Variants in ZDHHC11B observed in about 807,000 individuals in gnomAD.
ZDHHC11B encodes the protein probable palmitoyltransferase ZDHHC11B.
ZDHHC11B carries 17 observed loss-of-function variants against 42.3 expected under a neutral mutation model. The observed-to-expected ratio is 0.40, with a 90% confidence interval of 0.27 to 0.60. The LOEUF is 0.60. Among genes scored for constraint, ZDHHC11B ranks in the 20% least tolerant of loss-of-function variants. The probability of loss-of-function intolerance (pLI) is 0.41; values close to 1 mark genes in which losing one functional copy is unlikely to be tolerated. For synonymous variants in ZDHHC11B, 123 were observed against 193.5 expected, an observed-to-expected ratio of 0.64 and a Z score of 3.02; for missense variants, 262 against 463.2, an observed-to-expected ratio of 0.57 and a Z score of 3.99.
chr5:775,626 C>T (rs1354599502), intron 1 of ZDHHC11B, among the ~76,000 whole-genome samples: 16 of 151,468 alleles, frequency 1.1e-4, no homozygotes, highest in African/African-American at 3.9e-4. Context: ...ACTCCCTGTT[C>T]AGGGATGACA....
In ZDHHC11B at chr5:767,260, G is replaced by A. The variant is rs574377896; in HGVS notation, c.-1+132C>T. ...GGTGGATGACTGAAAGCAACGGGAA[G>A]ACCTGAGCTGCCATCTGGACGGCTG... On this transcript the variant is annotated intron_variant, in intron 3 of 13. Coordinates refer to ENST00000508859, the MANE Select transcript of ZDHHC11B (RefSeq NM_001351303.2). 4.9e-5 allele frequency: 54 copies of A among 1,106,146 alleles called. No individual in the cohort carries two copies. In the African/African-American group the frequency reaches 7.9e-4, roughly 16 times the overall value. The allele number at this position is 1,106,146 out of a possible 1,614,324, so 68.5% of individuals were successfully genotyped here.
At chr5:780,593 C>G (rs1341344977) in intron 1 of ZDHHC11B, among the ~76,000 whole-genome samples, 1 of 135,564 alleles carries the variant, frequency 7.4e-6, no homozygotes. Flanking sequence ...GGTAAGACCC[C>G]ATCCCACTCC....
At chr5:745,019 A>G (rs1174938854) in intron 9 of ZDHHC11B, among the ~76,000 whole-genome samples, 164 bp downstream of exon 9, 2 of 146,666 alleles carry the variant, frequency 1.4e-5, no homozygotes, top group African/African-American at 2.5e-5. Flanking sequence ...AAAGACACAT[A>G]GACACACCCA....
chr5:775,479 G>A (rs1736399929), intron 1 of ZDHHC11B, among the ~76,000 whole-genome samples: 1 of 152,002 alleles, frequency 6.6e-6, no homozygotes. Context: ...CCGAAGGCAA[G>A]CATTCCTTGG....
At chr5:760,290 C>T (rs1734429550) in intron 4 of ZDHHC11B, among the ~76,000 whole-genome samples, 2 of 151,950 alleles carry the variant, frequency 1.3e-5, no homozygotes, top group African/African-American at 2.4e-5. Flanking sequence ...AGGGTCTTTG[C>T]AGATAATCCT....
At chr5:745,387 C>G (rs1744668182) in intron 8 of ZDHHC11B, 89 bp from the exon 9 acceptor site, 1 of 1,199,720 alleles carries the variant, frequency 8.3e-7, no homozygotes, top group East Asian at 2.5e-5. Flanking sequence ...GTGGCCAGTG[C>G]CACTGATCCG....
chr5:726,159 C>T (rs1462444931), intron 12 of ZDHHC11B, among the ~76,000 whole-genome samples: 1 of 151,332 alleles, frequency 6.6e-6, no homozygotes, highest in African/African-American at 2.4e-5. Context: ...ACACATTTCC[C>T]ACAAAACAGA....
intron 1 of ZDHHC11B, among the ~76,000 whole-genome samples, chr5:776,584 G>C (rs775160030): frequency 2.0e-5 from 3 of 151,796 alleles, no homozygotes; most frequent in Admixed American, 1.3e-4. Context: ...CTCTCAGCTC[G>C]AGACCCTCGC....
chr5:769,720 G>T (rs1449230162), intron 1 of ZDHHC11B, among the ~76,000 whole-genome samples: 4 of 151,988 alleles, frequency 2.6e-5, no homozygotes, highest in Non-Finnish European at 5.9e-5. Context: ...CCTAGTGCGC[G>T]CCATCCTTCA....
rs560981053 is a variant in ZDHHC11B at position 766,692 on chromosome 5, G to A, written c.222+6C>T. ...CGCTTAGACCATGCCACGATGAAAA[G>A]GATACCACATAGGCGATGTATTTCC... On this transcript the variant is annotated splice_donor_region_variant and intron_variant, in intron 4 of 13. Transcript: ENST00000508859. 1.6e-5 allele frequency: 26 copies of A among 1,604,100 alleles called. 1 individual carries two copies. The East Asian group carries it at 4.7e-4, about 29-fold the overall frequency.
intron 1 of ZDHHC11B, among the ~76,000 whole-genome samples, chr5:773,917 C>T (rs1736255704): frequency 6.6e-6 from 1 of 151,906 alleles, no homozygotes; most frequent in African/African-American, 2.4e-5. Context: ...GTCCAACTGG[C>T]ATCTTCAAAA....
In ZDHHC11B at chr5:726,078, A is replaced by G. The variant is rs1363209813; in HGVS notation, c.1058+4356T>C. 2.5e-5 allele frequency among the ~76,000 whole-genome samples: 3 copies of G among 121,724 alleles called. No individual in the cohort carries two copies. In the East Asian group the frequency reaches 8.2e-4, roughly 33 times the overall value. 79.9% of individuals were successfully genotyped at this position (121,724 alleles called of 152,430 possible). A position where few individuals can be genotyped will look rare whatever the true frequency, so the allele number is the denominator to read the frequency against. Reference sequence around the variant, plus strand: ...CCACCCATTCCCTTCGACATCCCACAGCAAAACGCAGACCAGAATATCCCC... The same window carrying G: ...CCACCCATTCCCTTCGACATCCCACGGCAAAACGCAGACCAGAATATCCCC... On this transcript the variant is annotated intron_variant, in intron 12 of 13. Transcript: ENST00000508859.
At chr5:732,148 G>A (rs1743065161) in intron 11 of ZDHHC11B, 3 of 157,078 alleles carry the variant, frequency 1.9e-5, no homozygotes, top group Admixed American at 6.4e-5. Flanking sequence ...GCTGTGCCAC[G>A]GACTTGGGTG....
intron 1 of ZDHHC11B, among the ~76,000 whole-genome samples, chr5:770,749 C>G (rs562650636): frequency 6.6e-6 from 1 of 152,134 alleles, no homozygotes; most frequent in South Asian, 2.1e-4. Flanking sequence ...TGGCCCCAGC[C>G]AGGGGAGGGG....
rs1393607614 is a variant in ZDHHC11B, at chr5:759,115, C to T, written c.223-2971G>A. On this transcript the variant is annotated intron_variant, in intron 4 of 13. Coordinates refer to ENST00000508859, the MANE Select transcript of ZDHHC11B (RefSeq NM_001351303.2). ...AGTAAAAGAAGTAGAGTAAGTGTCTCCCTTTCATCACCCAAACTGCCTGCC... is the reference window on the plus strand; with the variant it reads ...AGTAAAAGAAGTAGAGTAAGTGTCTTCCTTTCATCACCCAAACTGCCTGCC... Among the ~76,000 whole-genome samples the T allele has an allele frequency of 2.0e-5, 3 of 151,844 alleles. 1 individual carries two copies. The highest frequency in any genetic ancestry group is 4.2e-4 in the South Asian group (2 of 4,748).
chr5:742,542 C>G (rs6555450), intron 9 of ZDHHC11B, among the ~76,000 whole-genome samples: 4 of 143,264 alleles, frequency 2.8e-5, no homozygotes, highest in African/African-American at 5.2e-5. Context: ...GCAAGTATGT[C>G]GGCGCCATTT....
rs761980021 is a variant in ZDHHC11B, at chr5:748,565, G to C, written c.629-6C>G. ...CGTGTTCATATTCTTGACATCTGGGGAGACAAGGGAGAGACACTGTGTCCA... is the reference window on the plus strand; with the variant it reads ...CGTGTTCATATTCTTGACATCTGGGCAGACAAGGGAGAGACACTGTGTCCA... On this transcript the variant is annotated splice_polypyrimidine_tract_variant and splice_region_variant and intron_variant, in intron 7 of 13. Transcript: ENST00000508859. 64 of 1,361,056 alleles carry C rather than the reference G, an allele frequency of 4.7e-5. 16 individuals carry two copies. The highest frequency in any genetic ancestry group is 5.9e-5 in the Non-Finnish European group (60 of 1,023,702). The allele number at this position is 1,361,056 out of a possible 1,614,324, so 84.3% of individuals were successfully genotyped here.
At chr5:716,922 A>G in intron 12 of ZDHHC11B, 57 bp from the exon 13 acceptor site, 1 of 1,610,436 alleles carries the variant, frequency 6.2e-7, no homozygotes, top group South Asian at 1.1e-5. Context: ...AATACTTGTT[A>G]TACTGCCAAA....
At chr5:758,236 G>C (rs922508074) in intron 4 of ZDHHC11B, among the ~76,000 whole-genome samples, 1 of 151,904 alleles carries the variant, frequency 6.6e-6, no homozygotes, top group Non-Finnish European at 1.5e-5. Context: ...CTGTGGCCCA[G>C]GGGAAGCCCC....
Sources: gnomAD v4.1 joint callset for allele counts (sites outside exome capture counted in the v4.1 genomes callset) on GRCh38, gnomAD v4.1.1 for gene constraint, MANE v1.5 for transcripts, NCBI Gene and HGNC (gene_info 2026-07-23, HGNC 2026-07-21) for gene names.